Variants in WDR93 observed in about 807,000 individuals in gnomAD.
WDR93 encodes WD repeat-containing protein 93.
A neutral mutation model predicts 82.9 loss-of-function variants in WDR93; 73 were observed. The observed-to-expected ratio is 0.88, with a 90% CI of 0.73 to 1.07. The LOEUF is 1.07. Among genes scored for constraint, WDR93 ranks in the 50% least tolerant of loss-of-function variants. The pLI is 0.00. For missense variants in WDR93, 738 were observed against 826.0 expected (o/e 0.89, Z 1.31); for synonymous variants, 283 against 300.1 (o/e 0.94, Z 0.59).
At chr15:89,697,919 G>A (rs55910113) in intron 1 of WDR93, among the ~76,000 whole-genome samples, 28,254 of 141,124 alleles carry the variant, frequency 0.2, 2,927 homozygotes, top group Middle Eastern at 0.31. Flanking sequence ...TCTCTCTGTC[G>A]CCCAGGCTGG....
chr15:89,725,750 A>G (rs1966712572), intron 8 of WDR93, among the ~76,000 whole-genome samples: 5 of 151,728 alleles, frequency 3.3e-5, no homozygotes, highest in Admixed American at 3.3e-4. Context: ...TTTTGTAGAG[A>G]TGGGATTTTG....
intron 1 of WDR93, among the ~76,000 whole-genome samples, chr15:89,692,502 G>C (rs746177751): frequency 6.6e-6 from 1 of 152,196 alleles, no homozygotes; most frequent in Non-Finnish European, 1.5e-5. Flanking sequence ...TAGTCGTAGG[G>C]TAATAGGTTA....
intron 6 of WDR93, among the ~76,000 whole-genome samples, 185 bp downstream of exon 6, chr15:89,715,280 G>A (rs969454550): frequency 2.6e-5 from 4 of 152,256 alleles, no homozygotes; most frequent in Admixed American, 2.0e-4. Context: ...AAGTAGAGGT[G>A]TCTTCAGTAG....
At chr15:89,716,814 A>C in intron 6 of WDR93, 97 bp from the exon 7 acceptor site, 1 of 858,490 alleles carries the variant, frequency 1.2e-6, no homozygotes. Flanking sequence ...CACTCACAAG[A>C]GTAATTGAGG....
chr15:89,695,813 C>CTTTTTTTTTTTTT (rs58664153), intron 1 of WDR93, among the ~76,000 whole-genome samples: 1 of 99,312 alleles, frequency 1.0e-5, no homozygotes, highest in Non-Finnish European at 1.9e-5. Flanking sequence ...TCATGCTGTC[C>CTTTTTTTTTTTTT]TTTTTTTTTT....
Position 89,711,296 on chromosome 15 carries a change from C to T in WDR93, c.562-730C>T, listed in dbSNP as rs571513886. Among the ~76,000 whole-genome samples the T allele has an allele frequency of 2.0e-4, 30 of 152,170 alleles. 1 individual carries two copies. The highest frequency in any genetic ancestry group is 3.8e-4 in the Non-Finnish European group (26 of 68,000). On this transcript the variant is annotated intron_variant, in intron 4 of 16. Coordinates refer to ENST00000268130, the MANE Select transcript of WDR93 (RefSeq NM_020212.2). Reference sequence around the variant, plus strand: ...GAAAAATTCCATAGGACAAATGACACGGTTTCTTCAACAAATAAATGGCAA... The same window carrying T: ...GAAAAATTCCATAGGACAAATGACATGGTTTCTTCAACAAATAAATGGCAA...
chr15:89,709,926 T>C (rs1032104979), intron 4 of WDR93, among the ~76,000 whole-genome samples: 6 of 151,978 alleles, frequency 3.9e-5, no homozygotes, highest in South Asian at 2.1e-4. Flanking sequence ...TGTGGGAGGC[T>C]GAGGCGGGCG....
At chr15:89,708,391 C>T (rs971233475) in intron 4 of WDR93, among the ~76,000 whole-genome samples, 5 of 152,108 alleles carry the variant, frequency 3.3e-5, no homozygotes, top group Non-Finnish European at 5.9e-5. Flanking sequence ...TCCACCCGTC[C>T]TAGTGACAGT....
chr15:89,720,633 T>C lies in WDR93; in HGVS notation c.796-1422T>C, dbSNP rs190483081. On this transcript the variant is annotated intron_variant, in intron 7 of 16. Transcript: ENST00000268130. ...AAATATTGGAAATGTTACAGCTGGC[T>C]TTTTTTATGGGCTTCTCATAAAATC... Among the ~76,000 whole-genome samples, 17 of 152,280 alleles carry C rather than the reference T, an allele frequency of 1.1e-4. No individual in the cohort carries two copies. In the East Asian group the frequency reaches 3.3e-3, roughly 29 times the overall value.
intron 16 of WDR93, among the ~76,000 whole-genome samples, chr15:89,740,058 G>A (rs941521928): frequency 6.6e-6 from 1 of 152,196 alleles, no homozygotes; most frequent in Non-Finnish European, 1.5e-5. Flanking sequence ...TGAGATGCCA[G>A]GCTGTGTTCT....
chr15:89,724,545 T>C (rs776169966), intron 8 of WDR93, among the ~76,000 whole-genome samples: 12 of 152,104 alleles, frequency 7.9e-5, no homozygotes, highest in African/African-American at 2.7e-4. Context: ...TAGAAGTTAT[T>C]TGCAAAACAC....
intron 1 of WDR93, among the ~76,000 whole-genome samples, chr15:89,698,803 G>T (rs1965311812): frequency 6.6e-6 from 1 of 151,904 alleles, no homozygotes; most frequent in Admixed American, 6.6e-5. Flanking sequence ...TAAATAATAA[G>T]AAAAATATTT....
upstream of WDR93, chr15:89,690,447 T>C (rs1462414225): frequency 1.4e-5 from 9 of 657,964 alleles, no homozygotes; most frequent in Non-Finnish European, 1.8e-5. Flanking sequence ...ACTCCCTCCG[T>C]AGGAGCTGGC....
chr15:89,715,047 C>G lies in WDR93; in HGVS notation c.708C>G (p.His236Gln), dbSNP rs1227912555. 1 of 1,614,054 alleles carries G rather than the reference C, an allele frequency of 6.2e-7. No homozygotes were observed. Among genetic ancestry groups the G allele is most frequent in the East Asian group, 2.2e-5 (1 of 44,876 alleles). Residue 236 changes from histidine (H) to glutamine (Q), a missense_variant, in exon 6 of 17, where the codon CAC becomes CAG. Transcript: ENST00000268130. ...PKETWLKKLE[H>Q]PQLTSNPKKK... ...AGACTTGGCTCAAGAAACTAGAGCA[C>G]CCCCAACTCACTTCAAATCCAAAGA... is the stretch of plus-strand genomic sequence containing the variant.
At chr15:89,727,395 G>C in intron 9 of WDR93, 67 bp downstream of exon 9, 35 of 1,545,618 alleles carry the variant, frequency 2.3e-5, no homozygotes, top group Non-Finnish European at 3.1e-5. Context: ...GCACATGCAG[G>C]AATCAACCCA....
Position 89,729,007 on chromosome 15 carries a change from T to G in WDR93, c.1053-16T>G. On this transcript the variant is annotated splice_polypyrimidine_tract_variant and intron_variant, in intron 9 of 16. Transcript: ENST00000268130. ...GGAGTCTACATGGCTCTGACTCGTG[T>G]GTCTTTCTTTCCCAGTACGGCCACC... 6.2e-7 allele frequency: 1 copy of G among 1,612,324 alleles called. No homozygotes were observed.
chr15:89,699,928 T>A (rs1379202377), intron 1 of WDR93, among the ~76,000 whole-genome samples: 1 of 152,208 alleles, frequency 6.6e-6, no homozygotes, highest in East Asian at 1.9e-4. Flanking sequence ...GATCGATTTT[T>A]CTCTTTATTA....
chr15:89,740,754 G>A (rs1040221378), intron 16 of WDR93, among the ~76,000 whole-genome samples: 1 of 151,930 alleles, frequency 6.6e-6, no homozygotes, highest in South Asian at 2.1e-4. Flanking sequence ...TGCCTGCCTC[G>A]GCCTGCCAAA....
rs1369398163 is a variant in WDR93 at position 89,731,478 on chromosome 15, G to T, written c.1246G>T (p.Ala416Ser). Residue 416 changes from alanine (A) to serine (S), a missense_variant, in exon 12 of 17, where the codon GCA becomes TCA. Coordinates refer to ENST00000268130, the MANE Select transcript of WDR93 (RefSeq NM_020212.2). Reference protein sequence around the residue: ...EGVWPCAAPIAVSQLSCSSSY... With the variant: ...EGVWPCAAPISVSQLSCSSSY... ...TGTGTGGCCCTGTGCTGCGCCCATT[G>T]CAGTCTCTCAGCTCAGCTGCTCCTC... is the stretch of plus-strand genomic sequence containing the variant. The T allele has an allele frequency of 6.2e-7, 1 of 1,614,058 alleles. No individual in the cohort carries two copies. The highest frequency in any genetic ancestry group is 8.5e-7 in the Non-Finnish European group (1 of 1,180,030).
Sources: gnomAD v4.1 joint callset for allele counts (sites outside exome capture counted in the v4.1 genomes callset) on GRCh38, gnomAD v4.1.1 for gene constraint, MANE v1.5 for transcripts, NCBI Gene and HGNC (gene_info 2026-07-23, HGNC 2026-07-21) for gene names.